The following KIF25 variants were observed in gnomAD, a reference collection of about 807,000 sequenced individuals.
KIF25 encodes the protein kinesin-like protein KIF25.
Under a neutral mutation model 32.9 loss-of-function variants are expected in KIF25, and 19 were observed. That is an observed-to-expected ratio of 0.58 (90% CI 0.40 to 0.85). The LOEUF is 0.85. Among genes scored for constraint, KIF25 ranks in the 40% least tolerant of loss-of-function variants. KIF25 has a pLI of 0.00. For missense variants in KIF25, 485 were observed against 507.0 expected (o/e 0.96, Z 0.42); for synonymous variants, 225 against 213.7 (o/e 1.05, Z -0.46).
Position 168,044,920 on chromosome 6 carries a change from C to T in KIF25, c.1079C>T (p.Ala360Val), listed in dbSNP as rs141094737. The change falls in exon 13 of 13, where the codon GCT becomes GTT. Residue 360 changes from alanine (A) to valine (V), a missense_variant. Physicochemically the swap from Ala to Val is moderately conservative, Grantham distance 64. Around this residue, in one of 2 missense-constraint regions of KIF25, gnomAD observed 480 missense variants for 470.3 expected, o/e 1.02. Coordinates refer to ENST00000643607, the MANE Select transcript of KIF25 (RefSeq NM_030615.4). ...TLQGLGFGIRARQVQRGPARK... is the reference protein window; with the variant it reads ...TLQGLGFGIRVRQVQRGPARK... ...CAGGGCCTGGGTTTCGGGATCCGAGCTCGGCAAGTCCAGCGAGGCCCTGCC... is the reference window on the plus strand; with the variant it reads ...CAGGGCCTGGGTTTCGGGATCCGAGTTCGGCAAGTCCAGCGAGGCCCTGCC... The T allele has an allele frequency of 2.7e-5, 44 of 1,613,158 alleles. No individual in the cohort carries two copies. The African/African-American group carries it at 5.3e-4, about 20-fold the overall frequency.
At chr6:168,029,430 C>A in intron 5 of KIF25, 62 bp from the exon 6 acceptor site, 2 of 1,172,130 alleles carry the variant, frequency 1.7e-6, no homozygotes, top group Non-Finnish European at 2.4e-6. Flanking sequence ...GAATAACTAA[C>A]ATTCATGTTA....
chr6:168,026,313 G>A (rs77871996), intron 5 of KIF25, among the ~76,000 whole-genome samples: 1,837 of 152,254 alleles, frequency 0.012, 44 homozygotes, highest in African/African-American at 0.042. Flanking sequence ...GCTGAGGGTC[G>A]AAGGGAAACA....
chr6:168,042,085 G>A lies in KIF25; in HGVS notation c.763G>A (p.Ala255Thr), dbSNP rs2073634. Residue 255 changes from alanine to threonine, a missense_variant, in exon 11 of 13, where the codon GCA (alanine) becomes ACA (threonine). Ala to Thr is a moderately conservative substitution (Grantham distance 58). Transcript: ENST00000643607. The stretch of plus-strand genomic sequence containing the variant: ...TCCACAGCTGGTTCCTGGGAACCCC[G>A]CAGGGCATGCGGAGCAGGTGCAGGC... ...LAPQLVPGNP[A>T]GHAEQVQARL... 0.091 allele frequency: 140,425 copies of A among 1,551,086 alleles called. 7,290 individuals carry two copies. The highest frequency in any genetic ancestry group is 0.21 in the East Asian group (8,536 of 41,006).
chr6:168,007,190 C>T (rs760375406), intron 4 of KIF25, among the ~76,000 whole-genome samples: 9 of 152,146 alleles, frequency 5.9e-5, no homozygotes, highest in Admixed American at 2.0e-4. Flanking sequence ...GCAGATGGAT[C>T]ACCTGAGGCC....
intron 4 of KIF25, among the ~76,000 whole-genome samples, chr6:168,012,392 A>C (rs1798659690): frequency 6.6e-6 from 1 of 152,186 alleles, no homozygotes; most frequent in African/African-American, 2.4e-5. Flanking sequence ...TGTAGTCTCC[A>C]TATTGTTCCT....
chr6:168,005,782 G>A (rs922334812), intron 4 of KIF25, among the ~76,000 whole-genome samples: 1 of 152,328 alleles, frequency 6.6e-6, no homozygotes, highest in South Asian at 2.1e-4. Flanking sequence ...TTTGCTGGCG[G>A]CTGATTAGAC....
intron 8 of KIF25, among the ~76,000 whole-genome samples, chr6:168,036,320 G>GCTTTT (rs1799025406): frequency 6.6e-6 from 1 of 152,186 alleles, no homozygotes; most frequent in Non-Finnish European, 1.5e-5. Context: ...TCAGTTTTCT[G>GCTTTT]CTTTTAAAAA....
intron 9 of KIF25, among the ~76,000 whole-genome samples, chr6:168,038,947 T>C (rs1189395898): frequency 6.6e-6 from 1 of 152,234 alleles, no homozygotes. Context: ...CAATTTGCTG[T>C]AAGAATGATC....
At chr6:168,010,074 CTTTA>C (rs1206599571) in intron 4 of KIF25, among the ~76,000 whole-genome samples, 9 of 151,660 alleles carry the variant, frequency 5.9e-5, no homozygotes, top group Admixed American at 6.6e-5. Context: ...TGGTTCTAAT[CTTTA>C]TTTATTTTCT....
intron 2 of KIF25, among the ~76,000 whole-genome samples, chr6:168,001,088 G>T (rs898910672): frequency 2.6e-5 from 4 of 152,254 alleles, no homozygotes; most frequent in African/African-American, 7.2e-5. Context: ...GTGGCCACTT[G>T]TCACTTGTCA....
intron 4 of KIF25, among the ~76,000 whole-genome samples, chr6:168,017,595 G>A (rs922107083): frequency 1.3e-5 from 2 of 152,164 alleles, no homozygotes; most frequent in African/African-American, 2.4e-5. Context: ...AACCTCTCCT[G>A]CGAACTGTCA....
At chr6:167,999,492 A>G (rs1220006717) in intron 2 of KIF25, among the ~76,000 whole-genome samples, 172 bp downstream of exon 2, 4 of 152,056 alleles carry the variant, frequency 2.6e-5, no homozygotes, top group Non-Finnish European at 4.4e-5. Context: ...GACAGTGGAC[A>G]CTCTGCAGCC....
chr6:168,023,849 A>G (rs1352633190), intron 5 of KIF25, among the ~76,000 whole-genome samples: 2 of 152,244 alleles, frequency 1.3e-5, no homozygotes, highest in East Asian at 3.8e-4. Flanking sequence ...TGCTTCAGAG[A>G]CAGTGCACTT....
chr6:168,008,253 G>A (rs1798603913), intron 4 of KIF25, among the ~76,000 whole-genome samples: 1 of 152,156 alleles, frequency 6.6e-6, no homozygotes, highest in African/African-American at 2.4e-5. Flanking sequence ...TTTCTGTATA[G>A]TGTAAGAGGT....
intron 9 of KIF25, 114 bp from the exon 10 acceptor site, chr6:168,039,951 C>G: frequency 7.7e-7 from 1 of 1,301,526 alleles, no homozygotes; most frequent in Non-Finnish European, 1.0e-6. Flanking sequence ...TTCAGTACCC[C>G]ACTGGCACGC....
chr6:168,034,133 G>A, intron 8 of KIF25, 102 bp downstream of exon 8: 1 of 1,254,672 alleles, frequency 8.0e-7, no homozygotes, highest in Non-Finnish European at 1.1e-6. Flanking sequence ...ATTTGAAGAA[G>A]GTGATCAAAC....
At chr6:168,000,377 G>C (rs1396038582) in intron 2 of KIF25, among the ~76,000 whole-genome samples, 2 of 83,614 alleles carry the variant, frequency 2.4e-5, no homozygotes, top group Non-Finnish European at 4.5e-5. Context: ...GACCACGCCT[G>C]ACCTTCTCAC....
chr6:168,019,567 A>C (rs1405173631), intron 5 of KIF25, among the ~76,000 whole-genome samples: 1 of 152,224 alleles, frequency 6.6e-6, no homozygotes, highest in African/African-American at 2.4e-5. Flanking sequence ...GAAACCAGGG[A>C]GACTCCATAG....
rs774245188 is a variant in KIF25 at position 168,030,816 on chromosome 6, G to T, written c.136G>T (p.Val46Leu). 9.3e-6 allele frequency: 15 copies of T among 1,613,408 alleles called. No individual in the cohort carries two copies. In the South Asian group the frequency reaches 1.3e-4, roughly 14 times the overall value. The change falls in exon 7 of 13, where the codon GTG becomes TTG. Residue 46 changes from valine to leucine, a missense_variant. Coordinates refer to ENST00000643607, the MANE Select transcript of KIF25 (RefSeq NM_030615.4). ...AESQSAVFGD[V>L]CPLLTSLLDG... ...GTCTCAGAGCGCGGTCTTTGGAGAT[G>T]TGTGCCCCCTACTCACTTCTCTCTT...
Sources: gnomAD v4.1 joint callset for allele counts (sites outside exome capture counted in the v4.1 genomes callset) on GRCh38, gnomAD v4.1.1 for gene constraint, gnomAD v4.1.1 regional missense constraint, MANE v1.5 for transcripts, NCBI Gene and HGNC (gene_info 2026-07-23, HGNC 2026-07-21) for gene names.